MAST1: variants seen among roughly 807,000 people sequenced by gnomAD.
The protein encoded by MAST1 is microtubule-associated serine/threonine-protein kinase 1.
Under a neutral mutation model 124.6 loss-of-function variants are expected in MAST1, and 40 were observed. The observed-to-expected ratio is 0.32, with a 90% confidence interval of 0.25 to 0.42. The LOEUF (loss-of-function observed/expected upper bound fraction) is 0.42. MAST1 is among the 10% of genes least tolerant of loss of function. The pLI, the probability that MAST1 is intolerant of heterozygous loss-of-function variation, is 1.00. For missense variants in MAST1, 1,558 were observed against 2,181.9 expected, an observed-to-expected ratio of 0.71 and a Z score of 5.70; for synonymous variants, 938 against 939.4, an observed-to-expected ratio of 1.00 and a Z score of 0.03.
chr19:12,867,703 T>C (rs748096655), intron 19 of MAST1, 27 bp from the exon 20 acceptor site: 22 of 1,533,368 alleles, frequency 1.4e-5, no homozygotes, highest in Non-Finnish European at 1.8e-5. Context: ...GGGGCGTGTC[T>C]TCCATAACCA....
intron 10 of MAST1, among the ~76,000 whole-genome samples, chr19:12,855,995 A>C (rs951345611): frequency 6.7e-6 from 1 of 149,778 alleles, no homozygotes; most frequent in African/African-American, 2.5e-5. Flanking sequence ...TAAGAGTTCC[A>C]TACAATAGTG....
rs761290099 is a variant in MAST1, at chr19:12,847,586, G to C, written c.489-26G>C. The C allele has an allele frequency of 7.4e-6, 12 of 1,613,904 alleles. No individual in the cohort carries two copies. Among genetic ancestry groups the C allele is most frequent in the Non-Finnish European group, 1.0e-5 (12 of 1,179,966 alleles). On this transcript the variant is annotated intron_variant, in intron 5 of 25. Coordinates refer to ENST00000251472, the MANE Select transcript of MAST1 (RefSeq NM_014975.3). This position sits in a 1 kb window ranked among gnomAD's most constrained non-coding sequence, Gnocchi z 5.5. ...CTGCGGGCTTGGAGGCAGAGGACTC[G>C]ACAAAATGGGCTTCTCTCCCCGCAG...
rs1481134421 is a variant in MAST1, at chr19:12,874,941, C to T, written c.*71C>T. On this transcript the variant is annotated 3_prime_UTR_variant, in exon 26 of 26. Transcript: ENST00000251472. The surrounding 1 kb of genome is among the most constrained non-coding windows in gnomAD (Gnocchi z 6.6). Reference sequence around the variant, plus strand: ...TGTACACATATAAATAAAGTGCGTCCGTGCTGCGTGAGTTTTCTGGGGCTC... The same window carrying T: ...TGTACACATATAAATAAAGTGCGTCTGTGCTGCGTGAGTTTTCTGGGGCTC... 4.6e-6 allele frequency: 7 copies of T among 1,514,690 alleles called. No homozygotes were observed. Among genetic ancestry groups the T allele is most frequent in the South Asian group, 1.2e-5 (1 of 83,246 alleles). 93.8% of individuals were successfully genotyped at this position (1,514,690 alleles called of 1,614,324 possible). A position where few individuals can be genotyped will look rare whatever the true frequency, so the allele number is the denominator to read the frequency against.
intron 18 of MAST1, among the ~76,000 whole-genome samples, chr19:12,867,135 C>A (rs761155103): frequency 3.3e-5 from 5 of 152,096 alleles, no homozygotes; most frequent in Non-Finnish European, 7.3e-5. Context: ...GGCAGAGAAG[C>A]CATAGGCCTT....
intron 12 of MAST1, among the ~76,000 whole-genome samples, chr19:12,861,384 C>CA: frequency 6.6e-6 from 1 of 152,236 alleles, no homozygotes; most frequent in African/African-American, 2.4e-5. Context: ...ATAGTGAGGA[C>CA]ATGAGGTCCA....
rs1467076638 is a variant in MAST1, at chr19:12,867,898, C to T, written c.2487C>T (p.Pro829=). 6.2e-7 allele frequency: 1 copy of T among 1,604,698 alleles called. No homozygotes were observed. Among genetic ancestry groups the T allele is most frequent in the Non-Finnish European group, 8.5e-7 (1 of 1,176,526 alleles). The change falls in exon 20 of 26, where the codon CCC becomes CCT. Residue 829 remains proline, a synonymous_variant. Transcript: ENST00000251472. The part of the protein sequence containing the change: ...LRRPPRPSSD[P]AGSLDARAPK... ...GGCCTCCCCGGCCCAGCTCCGACCC[C>T]GCGGGATCCCTGGATGCACGGGCCC...
intron 12 of MAST1, among the ~76,000 whole-genome samples, chr19:12,860,736 A>C (rs1970070974): frequency 6.6e-6 from 1 of 151,776 alleles, no homozygotes; most frequent in African/African-American, 2.4e-5. Context: ...CGTGAGCCAT[A>C]GCTTGCGGCC....
chr19:12,847,893 T>C lies in MAST1; in HGVS notation c.610T>C (p.Tyr204His). 1 of 1,613,684 alleles carries C rather than the reference T, an allele frequency of 6.2e-7. No individual in the cohort carries two copies. Residue 204 changes from tyrosine to histidine, a missense_variant, in exon 7 of 26, where the codon TAC becomes CAC. Physicochemically the swap from Tyr to His is moderately conservative, Grantham distance 83. Coordinates refer to ENST00000251472, the MANE Select transcript of MAST1 (RefSeq NM_014975.3). This position sits in a 1 kb window ranked among gnomAD's most constrained non-coding sequence, Gnocchi z 5.5. ...EEKLRDFTRA[Y>H]EPDSVLPLAD... ...GAAGCTGCGCGACTTTACCCGCGCC[T>C]ACGAACCCGACAGCGTTCTGCCTCT... is the stretch of plus-strand genomic sequence containing the variant.
In MAST1 at chr19:12,874,727, G is replaced by A. The variant is rs751768565; in HGVS notation, c.4570G>A (p.Val1524Met). Reference sequence around the variant, plus strand: ...GAAGTGCAGTGCACCCAGCAGTGCAGTGACCCCAGTCCCACCCGCATCCCT... The same window carrying A: ...GAAGTGCAGTGCACCCAGCAGTGCAATGACCCCAGTCCCACCCGCATCCCT... ...PAKCSAPSSA[V>M]TPVPPASLLG... Residue 1524 changes from valine to methionine, a missense_variant, in exon 26 of 26, where the codon GTG (valine) becomes ATG (methionine). Physicochemically the swap from Val to Met is conservative, Grantham distance 21. Coordinates refer to ENST00000251472, the MANE Select transcript of MAST1 (RefSeq NM_014975.3). The surrounding 1 kb of genome is among the most constrained non-coding windows in gnomAD (Gnocchi z 6.6). The A allele has an allele frequency of 1.9e-6, 3 of 1,598,734 alleles. No individual in the cohort carries two copies. The highest frequency in any genetic ancestry group is 2.6e-6 in the Non-Finnish European group (3 of 1,168,694).
intron 7 of MAST1, 58 bp from the exon 8 acceptor site, chr19:12,851,876 G>T: frequency 7.4e-7 from 1 of 1,355,020 alleles, no homozygotes. Context: ...GGCTGAGAGA[G>T]GGGCCGGGCT....
chr19:12,874,385 G>A lies in MAST1; in HGVS notation c.4228G>A (p.Ala1410Thr). The part of the protein sequence containing the change: ...TGGMARAVAK[A>T]ALSPVQEHET... ...CGGGATGGCCAGGGCTGTGGCCAAG[G>A]CGGCGCTGAGCCCGGTGCAGGAACA... is the stretch of plus-strand genomic sequence containing the variant. The change falls in exon 26 of 26, where the codon GCG becomes ACG. Residue 1410 changes from alanine (A) to threonine (T), a missense_variant. Transcript: ENST00000251472. This position sits in a 1 kb window ranked among gnomAD's most constrained non-coding sequence, Gnocchi z 6.6. 1.9e-6 allele frequency: 3 copies of A among 1,598,582 alleles called. No individual in the cohort carries two copies. The highest frequency in any genetic ancestry group is 2.5e-6 in the Non-Finnish European group (3 of 1,179,138).
At chr19:12,858,484 C>G (rs1219216111) in intron 11 of MAST1, 43 bp downstream of exon 11, 2 of 1,611,786 alleles carry the variant, frequency 1.2e-6, no homozygotes, top group Admixed American at 3.3e-5. Flanking sequence ...TGGCGGAGGC[C>G]GGGTGTCTCG....
chr19:12,853,367 G>T (rs1180702088), intron 10 of MAST1, among the ~76,000 whole-genome samples: 1 of 151,990 alleles, frequency 6.6e-6, no homozygotes, highest in Non-Finnish European at 1.5e-5. Flanking sequence ...AGGATTGTTT[G>T]TGCTAAGGCA....
In MAST1 at chr19:12,865,932, G is replaced by C. The variant is rs1188734957; in HGVS notation, c.1907-48G>C. 1.9e-6 allele frequency: 3 copies of C among 1,610,104 alleles called. No individual in the cohort carries two copies. The highest frequency in any genetic ancestry group is 2.2e-5 in the South Asian group (2 of 90,934). On this transcript the variant is annotated intron_variant, in intron 16 of 25. Coordinates refer to ENST00000251472, the MANE Select transcript of MAST1 (RefSeq NM_014975.3). The surrounding 1 kb of genome is among the most constrained non-coding windows in gnomAD (Gnocchi z 7.1). The stretch of plus-strand genomic sequence containing the variant: ...GCGGAAGACATGGGGGGCGGGGCTG[G>C]GCTGCTGGGTTGGCCATCAGCTGTG...
At position 12,865,400 on chromosome 19, in the gene MAST1, A is replaced by C; in HGVS notation, c.1723A>C (p.Ile575Leu). 1 of 1,612,448 alleles carries C rather than the reference A, an allele frequency of 6.2e-7. No homozygotes were observed. Residue 575 changes from isoleucine to leucine, a missense_variant, in exon 15 of 26, where the codon ATC becomes CTC. Ile to Leu is a conservative substitution (Grantham distance 5). Transcript: ENST00000251472. This position sits in a 1 kb window ranked among gnomAD's most constrained non-coding sequence, Gnocchi z 7.1. ...GCCAGTGGACTGGTGGGCTATGGGG[A>C]TCATCCTCTACGAGTTCCTGGTGGG... is the stretch of plus-strand genomic sequence containing the variant. ...GKPVDWWAMG[I>L]ILYEFLVGCV...
Position 12,874,836 on chromosome 19 carries a change from A to T in MAST1, c.4679A>T (p.Lys1560Ile), listed in dbSNP as rs760214507. The change falls in exon 26 of 26, where the codon AAA becomes ATA. Residue 1560 changes from lysine to isoleucine, a missense_variant. Transcript: ENST00000251472. This position sits in a 1 kb window ranked among gnomAD's most constrained non-coding sequence, Gnocchi z 6.6. ...EAVPPAGLTK[K>I]GVSSPAPPGP ...GTGCCCCCAGCAGGCCTGACCAAAA[A>T]AGGAGTGTCCAGTCCCGCACCCCCG... 69 of 1,599,200 alleles carry T rather than the reference A, an allele frequency of 4.3e-5. No individual in the cohort carries two copies. Among genetic ancestry groups the T allele is most frequent in the Admixed American group, 6.8e-5 (4 of 59,192 alleles).
chr19:12,868,116 T>C (rs1970183743), intron 20 of MAST1, 139 bp downstream of exon 20: 18 of 909,480 alleles, frequency 2.0e-5, no homozygotes, highest in Non-Finnish European at 2.6e-5. Context: ...TTTTTTTTTT[T>C]TTTTTTTTTT....
In MAST1 at chr19:12,873,595, C is replaced by G. The variant is rs767764466; in HGVS notation, c.3452-14C>G. On this transcript the variant is annotated splice_polypyrimidine_tract_variant and intron_variant, in intron 25 of 25. Transcript: ENST00000251472. The stretch of plus-strand genomic sequence containing the variant: ...TGGGCTGTACTCACTCGCTTCACCT[C>G]CTGTCTCCCGCAGGCGCCTCATCCC... The G allele has an allele frequency of 7.6e-6, 12 of 1,580,400 alleles. No homozygotes were observed. In the East Asian group the frequency reaches 2.5e-4, roughly 33 times the overall value.
rs762285368 is a variant in MAST1, at chr19:12,864,866, G to A, written c.1424G>A (p.Arg475His). Residue 475 changes from arginine to histidine, a missense_variant, in exon 13 of 26, where the codon CGC becomes CAC. Coordinates refer to ENST00000251472, the MANE Select transcript of MAST1 (RefSeq NM_014975.3). ...NIGALPVEMARMYFAETVLAL... is the reference protein window; with the variant it reads ...NIGALPVEMAHMYFAETVLAL... ...GGAGCGCTGCCCGTAGAGATGGCCCGCATGTACTTTGCTGAGACGGTGCTA... is the reference window on the plus strand; with the variant it reads ...GGAGCGCTGCCCGTAGAGATGGCCCACATGTACTTTGCTGAGACGGTGCTA... 1 of 1,614,020 alleles carries A rather than the reference G, an allele frequency of 6.2e-7. No homozygotes were observed. Among genetic ancestry groups the A allele is most frequent in the Admixed American group, 1.7e-5 (1 of 60,014 alleles).
Sources: allele counts gnomAD v4.1 joint callset (sites outside exome capture counted in the v4.1 genomes callset), GRCh38; gene constraint gnomAD v4.1.1; non-coding constraint Gnocchi (gnomAD v3.1); transcripts MANE v1.5; gene names NCBI Gene and HGNC (gene_info 2026-07-23, HGNC 2026-07-21).